Variants in MAD1L1 observed in about 807,000 individuals in gnomAD.
MAD1L1 encodes the protein mitotic arrest deficient 1 like 1.
A neutral mutation model predicts 96.9 loss-of-function variants in MAD1L1; 95 were observed. The ratio of observed to expected loss-of-function variants is 0.98; its 90% CI spans 0.83 to 1.16. The LOEUF (loss-of-function observed/expected upper bound fraction) is 1.16. MAD1L1 is among the 50% of genes most tolerant of loss of function. MAD1L1 has a pLI of 0.00. For synonymous variants in MAD1L1, 473 were observed against 396.6 expected (o/e 1.19, Z -2.29); for missense variants, 1,007 against 954.4 (o/e 1.06, Z -0.73).
At chr7:2,141,581 C>T (rs922013242) in intron 11 of MAD1L1, among the ~76,000 whole-genome samples, 14 of 152,166 alleles carry the variant, frequency 9.2e-5, no homozygotes, top group Non-Finnish European at 1.6e-4. Flanking sequence ...GGAGGGAGGC[C>T]CCAAGACAGA....
At chr7:1,967,761 G>A (rs556250085) in intron 15 of MAD1L1, among the ~76,000 whole-genome samples, 7 of 152,370 alleles carry the variant, frequency 4.6e-5, no homozygotes, top group East Asian at 1.9e-4. Flanking sequence ...GGGCGCGGCC[G>A]GCCGCGGGGA....
chr7:1,973,012 C>T (rs1780473219), intron 15 of MAD1L1, among the ~76,000 whole-genome samples: 1 of 152,316 alleles, frequency 6.6e-6, no homozygotes, highest in South Asian at 2.1e-4. Flanking sequence ...ACTCAGAGCA[C>T]ACAGTCTGAG....
chr7:2,155,314 T>C (rs983985233), intron 10 of MAD1L1, among the ~76,000 whole-genome samples: 1 of 152,188 alleles, frequency 6.6e-6, no homozygotes, highest in Admixed American at 6.5e-5. Context: ...TGTGGTAAAA[T>C]ACACTTAACA....
chr7:2,136,701 C>G (rs60850179), intron 11 of MAD1L1, among the ~76,000 whole-genome samples: 42 of 152,316 alleles, frequency 2.8e-4, no homozygotes, highest in African/African-American at 1.0e-3. Flanking sequence ...CTCCTCGGGG[C>G]TCAGCAGTGG....
intron 16 of MAD1L1, among the ~76,000 whole-genome samples, chr7:1,950,366 C>T (rs1471510782): frequency 1.3e-5 from 2 of 152,216 alleles, no homozygotes; most frequent in Non-Finnish European, 2.9e-5. Context: ...CGCGCCACCT[C>T]GAGGCCCGCA....
At chr7:2,058,174 A>G (rs1784464896) in intron 12 of MAD1L1, among the ~76,000 whole-genome samples, 1 of 69,808 alleles carries the variant, frequency 1.4e-5, no homozygotes, top group Non-Finnish European at 2.7e-5. Flanking sequence ...AGGGCTGGAG[A>G]GGGAGTGTGG....
chr7:2,008,774 G>T (rs77560298), intron 13 of MAD1L1, among the ~76,000 whole-genome samples: 1 of 150,506 alleles, frequency 6.6e-6, no homozygotes, highest in African/African-American at 2.4e-5. Flanking sequence ...GAAGCTCAGG[G>T]GGGGAAGGAA....
chr7:2,099,826 T>A (rs943454447), intron 11 of MAD1L1, among the ~76,000 whole-genome samples: 36 of 152,226 alleles, frequency 2.4e-4, no homozygotes, highest in Non-Finnish European at 4.6e-4. Context: ...CTATCCCCAG[T>A]GGGACTGGCT....
At chr7:1,822,499 T>A (rs1782181361) in intron 18 of MAD1L1, among the ~76,000 whole-genome samples, 1 of 149,586 alleles carries the variant, frequency 6.7e-6, no homozygotes, top group Non-Finnish European at 1.5e-5. Flanking sequence ...TGGAGTGCAG[T>A]GGTGTGGTCT....
chr7:1,960,093 C>T (rs1320032796), intron 15 of MAD1L1, among the ~76,000 whole-genome samples: 3 of 151,812 alleles, frequency 2.0e-5, no homozygotes, highest in Non-Finnish European at 4.4e-5. Context: ...TGTGAGAAGA[C>T]GTAATATCAC....
chr7:2,187,726 A>G (rs540352060), intron 10 of MAD1L1, among the ~76,000 whole-genome samples: 1 of 152,360 alleles, frequency 6.6e-6, no homozygotes, highest in African/African-American at 2.4e-5. Flanking sequence ...GGTGCATACT[A>G]AAGTGCGATG....
intron 18 of MAD1L1, among the ~76,000 whole-genome samples, chr7:1,822,188 AAAAC>A (rs148264991): frequency 0.38 from 57,991 of 151,548 alleles, 11,560 homozygotes; most frequent in Middle Eastern, 0.45. Context: ...AAACAAGTGA[AAAAC>A]AAAATTAAAA....
chr7:1,868,810 G>C (rs1054063221), intron 18 of MAD1L1, among the ~76,000 whole-genome samples: 2 of 152,210 alleles, frequency 1.3e-5, no homozygotes, highest in Non-Finnish European at 2.9e-5. Flanking sequence ...TGTCAGCTAA[G>C]GAGCTGAAGG....
intron 10 of MAD1L1, among the ~76,000 whole-genome samples, chr7:2,196,801 C>T (rs924902102): frequency 1.3e-5 from 2 of 152,308 alleles, no homozygotes; most frequent in African/African-American, 4.8e-5. Context: ...CAGTGCGGCT[C>T]AATTCTAACT....
chr7:1,954,205 C>T (rs1396239065), intron 16 of MAD1L1, among the ~76,000 whole-genome samples: 5 of 152,216 alleles, frequency 3.3e-5, no homozygotes, highest in East Asian at 3.9e-4. Flanking sequence ...CCATGCAGGC[C>T]TGGTTCACCA....
intron 12 of MAD1L1, among the ~76,000 whole-genome samples, chr7:2,042,245 G>A (rs549868481): frequency 4.6e-4 from 67 of 146,978 alleles, no homozygotes; most frequent in South Asian, 2.0e-3. Flanking sequence ...ATGCGCACAC[G>A]TACACAGACA....
chr7:2,176,464 C>T (rs533015435), intron 10 of MAD1L1, among the ~76,000 whole-genome samples: 46 of 152,158 alleles, frequency 3.0e-4, no homozygotes, highest in Non-Finnish European at 5.6e-4. Context: ...GAGGTCCCGG[C>T]CAATGTAATA....
chr7:1,894,478 T>G (rs987040106), intron 18 of MAD1L1, among the ~76,000 whole-genome samples: 12 of 152,002 alleles, frequency 7.9e-5, no homozygotes, highest in African/African-American at 2.2e-4. Context: ...ACATGACCCC[T>G]CCCCAGCTCC....
At chr7:2,064,252 G>A (rs1001818879) in intron 12 of MAD1L1, among the ~76,000 whole-genome samples, 5 of 152,198 alleles carry the variant, frequency 3.3e-5, no homozygotes, top group East Asian at 1.9e-4. Flanking sequence ...ATATCCAGGC[G>A]GGCCCTCCAC....
Sources: gnomAD v4.1 joint callset for allele counts (sites outside exome capture counted in the v4.1 genomes callset) on GRCh38, gnomAD v4.1.1 for gene constraint, MANE v1.5 for transcripts, NCBI Gene and HGNC (gene_info 2026-07-23, HGNC 2026-07-21) for gene names.